PRKCZ: variants seen among roughly 807,000 people sequenced by gnomAD.
PRKCZ encodes the protein protein kinase C zeta type.
In PRKCZ, 33 loss-of-function variants were observed where a neutral mutation model predicts 79.5. The observed-to-expected ratio is 0.41, with a 90% confidence interval of 0.31 to 0.55. The LOEUF is 0.55. Ranked by LOEUF, PRKCZ falls within the 20% of genes least tolerant of loss-of-function variation. The pLI, the probability that PRKCZ is intolerant of heterozygous loss-of-function variation, is 0.19. For synonymous variants in PRKCZ, 342 were observed against 320.9 expected (o/e 1.07, Z -0.70); for missense variants, 578 against 813.5 (o/e 0.71, Z 3.52).
intron 4 of PRKCZ, among the ~76,000 whole-genome samples, chr1:2,114,513 C>T (rs965208605): frequency 9.9e-5 from 15 of 152,220 alleles, no homozygotes; most frequent in Non-Finnish European, 1.2e-4. Flanking sequence ...CAGTGGCTCA[C>T]GCCTGTAATC....
chr1:2,095,780 C>T lies in PRKCZ; in HGVS notation c.334+36189C>T, dbSNP rs569034004. 2.9e-3 allele frequency among the ~76,000 whole-genome samples: 427 copies of T among 146,232 alleles called. 1 individual carries two copies. Among genetic ancestry groups the T allele is most frequent in the African/African-American group, 0.01 (401 of 39,132 alleles). On this transcript the variant is annotated intron_variant, in intron 4 of 17. Transcript: ENST00000378567. ...CTCCTTTCCGCTCCCCTCCTCTTCC[C>T]TCCTCTGCCCTCTGCTCCCCTCTCC...
chr1:2,061,203 G>A (rs990686187), intron 4 of PRKCZ, among the ~76,000 whole-genome samples: 4 of 152,184 alleles, frequency 2.6e-5, no homozygotes, highest in African/African-American at 9.7e-5. Context: ...ATCCACATGC[G>A]GCCAGTGTAG....
chr1:2,110,512 C>A (rs1444286935), intron 4 of PRKCZ, among the ~76,000 whole-genome samples: 1 of 152,172 alleles, frequency 6.6e-6, no homozygotes, highest in Admixed American at 6.5e-5. Flanking sequence ...TCTCCGGAGT[C>A]CCCCAAGTCC....
At position 2,149,176 on chromosome 1, in the gene PRKCZ, C is replaced by T. The variant is rs529204870; in HGVS notation, c.687+252C>T. ...GGGGACCACACCCTGCGGGGGAAGC[C>T]GTGCCCCACATCCTCTCCATTCAGG... On this transcript the variant is annotated intron_variant, in intron 8 of 17. Coordinates refer to ENST00000378567, the MANE Select transcript of PRKCZ (RefSeq NM_002744.6). The surrounding 1 kb of genome is among the most constrained non-coding windows in gnomAD (Gnocchi z 4.1). 5.9e-5 allele frequency among the ~76,000 whole-genome samples: 9 copies of T among 152,352 alleles called. No individual in the cohort carries two copies. The South Asian group carries it at 6.2e-4, about 11-fold the overall frequency.
Position 2,174,089 on chromosome 1 carries a change from G to A in PRKCZ, c.1405+73G>A. 6.7e-7 allele frequency: 1 copy of A among 1,494,762 alleles called. No individual in the cohort carries two copies. Among genetic ancestry groups the A allele is most frequent in the Admixed American group, 2.1e-5 (1 of 46,590 alleles). The allele number at this position is 1,494,762 out of a possible 1,614,324, so 92.6% of individuals were successfully genotyped here. A position where few individuals can be genotyped will look rare whatever the true frequency, so the allele number is the denominator to read the frequency against. ...TCCTTCCTTTTCAAAGGTGCAGGTG[G>A]AGGGGTCCCGCGGGTGCCTGGAGCG... On this transcript the variant is annotated intron_variant, in intron 14 of 17. Transcript: ENST00000378567. The surrounding 1 kb of genome is among the most constrained non-coding windows in gnomAD (Gnocchi z 6.2).
chr1:2,081,851 C>T, intron 4 of PRKCZ, among the ~76,000 whole-genome samples: 1 of 151,926 alleles, frequency 6.6e-6, no homozygotes, highest in Non-Finnish European at 1.5e-5. Flanking sequence ...CTTCCTGCTG[C>T]CCTCTGTGCT....
At chr1:2,072,414 T>A (rs1160995010) in intron 4 of PRKCZ, among the ~76,000 whole-genome samples, 2 of 152,232 alleles carry the variant, frequency 1.3e-5, no homozygotes, top group Admixed American at 6.5e-5. Flanking sequence ...AGAGGAGACC[T>A]CCTCTTGCCT....
At chr1:2,097,261 A>G (rs1666686527) in intron 4 of PRKCZ, among the ~76,000 whole-genome samples, 1 of 152,186 alleles carries the variant, frequency 6.6e-6, no homozygotes, top group Non-Finnish European at 1.5e-5. Context: ...TGCAGGCCAC[A>G]TGGCCACCTG....
chr1:2,165,323 G>A lies in PRKCZ; in HGVS notation c.975-4195G>A, dbSNP rs1683115664. 1.3e-5 allele frequency among the ~76,000 whole-genome samples: 2 copies of A among 152,208 alleles called. No individual in the cohort carries two copies. Among genetic ancestry groups the A allele is most frequent in the African/African-American group, 2.4e-5 (1 of 41,452 alleles). On this transcript the variant is annotated intron_variant, in intron 10 of 17. Transcript: ENST00000378567. The surrounding 1 kb of genome is among the most constrained non-coding windows in gnomAD (Gnocchi z 4.1). The stretch of plus-strand genomic sequence containing the variant: ...TGTGAGGTGGGGACAGGACCTGGAA[G>A]TGGGGTTTCCAAGTGAGGGTTCTGG...
intron 11 of PRKCZ, among the ~76,000 whole-genome samples, chr1:2,169,998 A>C (rs1288272804): frequency 1.3e-5 from 2 of 152,074 alleles, no homozygotes; most frequent in East Asian, 3.9e-4. Context: ...GCCTCAGACC[A>C]GTCCCCCAGG....
intron 4 of PRKCZ, among the ~76,000 whole-genome samples, chr1:2,071,835 C>T (rs1410846973): frequency 6.6e-6 from 1 of 152,164 alleles, no homozygotes; most frequent in African/African-American, 2.4e-5. Context: ...CAGGGGTCTG[C>T]GAGCTGCTTC....
chr1:2,119,784 C>T (rs1405479449), intron 4 of PRKCZ, among the ~76,000 whole-genome samples: 2 of 119,352 alleles, frequency 1.7e-5, no homozygotes, highest in African/African-American at 4.0e-5. Flanking sequence ...TATTTCTTTT[C>T]TTTTCTTTTT....
intron 4 of PRKCZ, among the ~76,000 whole-genome samples, chr1:2,130,730 C>T (rs913248362): frequency 5.3e-5 from 8 of 151,814 alleles, no homozygotes; most frequent in African/African-American, 1.9e-4. Context: ...CAGTCTGCTT[C>T]CCCCAAAGTC....
intron 16 of PRKCZ, chr1:2,184,125 G>A (rs764644401): frequency 1.2e-4 from 18 of 154,084 alleles, no homozygotes; most frequent in Non-Finnish European, 1.0e-4. Flanking sequence ...TCGATGCCTG[G>A]ATAGGCAGAA....
At position 2,062,783 on chromosome 1, in the gene PRKCZ, T is replaced by C. The variant is rs58064695; in HGVS notation, c.334+3192T>C. Among the ~76,000 whole-genome samples the C allele has an allele frequency of 0.011, 1,642 of 152,120 alleles. 137 individuals are homozygous for C. In the East Asian group the frequency reaches 0.21, roughly 19 times the overall value. On this transcript the variant is annotated intron_variant, in intron 4 of 17. Transcript: ENST00000378567. ...GATTATAGATGTGAGCCACCGAGCCTGTCCCCATCTTAGCCATTAAAATTT... is the reference window on the plus strand; with the variant it reads ...GATTATAGATGTGAGCCACCGAGCCCGTCCCCATCTTAGCCATTAAAATTT...
intron 8 of PRKCZ, 77 bp from the exon 9 acceptor site, chr1:2,150,713 G>A: frequency 1.2e-5 from 17 of 1,423,140 alleles, no homozygotes; most frequent in Non-Finnish European, 1.5e-5. Flanking sequence ...TGTTGGGACC[G>A]CATGAGTGAT....
chr1:2,108,496 G>A (rs1044920400), intron 4 of PRKCZ, among the ~76,000 whole-genome samples: 19 of 152,238 alleles, frequency 1.2e-4, no homozygotes, highest in Admixed American at 1.1e-3. Flanking sequence ...AGTGGGTGCC[G>A]TCCAGGTCTG....
intron 16 of PRKCZ, among the ~76,000 whole-genome samples, chr1:2,181,252 C>A (rs1686554813): frequency 6.6e-6 from 1 of 152,200 alleles, no homozygotes; most frequent in Non-Finnish European, 1.5e-5. Flanking sequence ...CACTATGGGG[C>A]CTTTGCACAG....
Position 2,165,078 on chromosome 1 carries a change from G to A in PRKCZ, c.975-4440G>A, listed in dbSNP as rs986180387. On this transcript the variant is annotated intron_variant, in intron 10 of 17. Transcript: ENST00000378567. This position sits in a 1 kb window ranked among gnomAD's most constrained non-coding sequence, Gnocchi z 4.1. ...CGAGTGCATTTCCTGGGCACTTTCT[G>A]GCCTTTTATCTTTGATGGAGAAATC... is the stretch of plus-strand genomic sequence containing the variant. 1.3e-5 allele frequency among the ~76,000 whole-genome samples: 2 copies of A among 152,214 alleles called. No individual in the cohort carries two copies. The highest frequency in any genetic ancestry group is 6.5e-5 in the Admixed American group (1 of 15,278).
Sources: allele counts gnomAD v4.1 joint callset (sites outside exome capture counted in the v4.1 genomes callset), GRCh38; gene constraint gnomAD v4.1.1; non-coding constraint Gnocchi (gnomAD v3.1); transcripts MANE v1.5; gene names NCBI Gene and HGNC (gene_info 2026-07-23, HGNC 2026-07-21).